Variants in AKAP13 observed in about 807,000 individuals in gnomAD.
AKAP13 encodes A-kinase anchoring protein 13.
A neutral mutation model predicts 264.5 loss-of-function variants in AKAP13; 80 were observed. The observed-to-expected ratio is 0.30, with a 90% CI of 0.25 to 0.36. AKAP13 has a LOEUF of 0.36. AKAP13 is among the 10% of genes least tolerant of loss of function. The probability of loss-of-function intolerance (pLI) is 1.00; values close to 1 mark genes in which losing one functional copy is unlikely to be tolerated. For missense variants in AKAP13, 3,712 were observed against 3,435.2 expected (o/e 1.08, Z -2.01); for synonymous variants, 1,380 against 1,250.2 (o/e 1.10, Z -2.19).
intron 1 of AKAP13, among the ~76,000 whole-genome samples, chr15:85,414,683 C>G (rs1409064461): frequency 6.6e-6 from 1 of 152,174 alleles, no homozygotes; most frequent in Admixed American, 6.5e-5. Flanking sequence ...AGTGCCTTCT[C>G]CTGGTGTGGA....
At chr15:85,670,343 G>T (rs933112519) in intron 14 of AKAP13, among the ~76,000 whole-genome samples, 2 of 151,552 alleles carry the variant, frequency 1.3e-5, no homozygotes, top group Non-Finnish European at 2.9e-5. Flanking sequence ...TAAAAACAAA[G>T]ATATTGTCTT....
intron 1 of AKAP13, among the ~76,000 whole-genome samples, chr15:85,383,021 A>G (rs1487356967): frequency 4.6e-5 from 7 of 152,044 alleles, no homozygotes; most frequent in African/African-American, 1.7e-4. Context: ...TTTCAACAAG[A>G]GGTTCCAATT....
chr15:85,653,532 G>A (rs939511914), intron 10 of AKAP13, among the ~76,000 whole-genome samples: 1 of 152,212 alleles, frequency 6.6e-6, no homozygotes, highest in Non-Finnish European at 1.5e-5. Context: ...AAGGTAGGAA[G>A]GGTGCTTTTA....
intron 5 of AKAP13, among the ~76,000 whole-genome samples, chr15:85,555,714 G>A (rs1000145374): frequency 1.3e-5 from 2 of 152,162 alleles, no homozygotes; most frequent in Admixed American, 6.5e-5. Context: ...GCGCATGCTA[G>A]GCAAGGTAAG....
chr15:85,606,758 A>G (rs2080367946), intron 8 of AKAP13, among the ~76,000 whole-genome samples: 1 of 152,236 alleles, frequency 6.6e-6, no homozygotes, highest in African/African-American at 2.4e-5. Flanking sequence ...AGCCAGGTGT[A>G]AAATAATCTG....
At chr15:85,415,168 C>T in intron 1 of AKAP13, 1 of 965,930 alleles carries the variant, frequency 1.0e-6, no homozygotes, top group Non-Finnish European at 1.6e-6. Flanking sequence ...TGAGATGTGA[C>T]AGCACGCTGC....
At chr15:85,419,112 A>G (rs59237656) in intron 1 of AKAP13, among the ~76,000 whole-genome samples, 140 of 152,334 alleles carry the variant, frequency 9.2e-4, no homozygotes, top group Admixed American at 3.1e-3. Flanking sequence ...GAGTCTTTGT[A>G]TATTTTTGAA....
At chr15:85,657,558 C>A (rs1173482642) in intron 11 of AKAP13, among the ~76,000 whole-genome samples, 2 of 152,090 alleles carry the variant, frequency 1.3e-5, no homozygotes, top group African/African-American at 4.8e-5. Context: ...TAGTCAAATG[C>A]CGTTTCTATA....
In AKAP13 at chr15:85,682,318, C is replaced by A. The variant is rs929935260; in HGVS notation, c.5156+106C>A. 8.0e-6 allele frequency: 9 copies of A among 1,129,862 alleles called. No homozygotes were observed. The African/African-American group carries it at 1.3e-4, about 16-fold the overall frequency. 70.0% of individuals were successfully genotyped at this position (1,129,862 alleles called of 1,614,324 possible). ...CTAAGTTAATTGAGCTTATTGGGTT[C>A]TTCTTTGAGTGATAAACTTGGAATA... On this transcript the variant is annotated intron_variant, in intron 15 of 36. Transcript: ENST00000394518.
At chr15:85,740,379 A>G in intron 34 of AKAP13, 107 bp downstream of exon 34, 1 of 1,303,338 alleles carries the variant, frequency 7.7e-7, no homozygotes, top group Non-Finnish European at 1.1e-6. Context: ...TAATGGATAA[A>G]TGGGGCCCTC....
At chr15:85,742,582 C>T (rs770799431) in intron 35 of AKAP13, among the ~76,000 whole-genome samples, 6 of 152,224 alleles carry the variant, frequency 3.9e-5, no homozygotes, top group Non-Finnish European at 8.8e-5. Flanking sequence ...TGATTTGCCT[C>T]TCTACTGCTG....
intron 4 of AKAP13, among the ~76,000 whole-genome samples, chr15:85,541,010 A>T (rs1363853738): frequency 1.3e-5 from 2 of 152,240 alleles, no homozygotes; most frequent in Non-Finnish European, 2.9e-5. Flanking sequence ...AAAATTCAGA[A>T]CAATGGTTAA....
At chr15:85,433,666 C>G (rs1203400364) in intron 1 of AKAP13, among the ~76,000 whole-genome samples, 1 of 151,962 alleles carries the variant, frequency 6.6e-6, no homozygotes, top group Non-Finnish European at 1.5e-5. Context: ...TCATTAAAAC[C>G]AGGTTGTCAG....
intron 1 of AKAP13, among the ~76,000 whole-genome samples, chr15:85,478,475 A>G (rs1403157744): frequency 6.6e-6 from 1 of 152,102 alleles, no homozygotes; most frequent in East Asian, 1.9e-4. Context: ...TTCCATGATA[A>G]TTACATTGAT....
chr15:85,691,247 C>A (rs1397359214), intron 16 of AKAP13, among the ~76,000 whole-genome samples: 1 of 152,122 alleles, frequency 6.6e-6, no homozygotes, highest in South Asian at 2.1e-4. Context: ...AATGGTAGGT[C>A]TTTGTAGTCC....
In AKAP13 at chr15:85,615,921, T is replaced by G. The variant is rs543929478; in HGVS notation, c.4162-23453T>G. ...GAAATCTTGGTCCAGAGGGTCAAAC[T>G]AGTATCTCCCAAGTTGCTCAGTGAG... On this transcript the variant is annotated intron_variant, in intron 8 of 36. Coordinates refer to ENST00000394518, the MANE Select transcript of AKAP13 (RefSeq NM_007200.5). Among the ~76,000 whole-genome samples the G allele has an allele frequency of 2.0e-5, 3 of 152,306 alleles. No homozygotes were observed. In the East Asian group the frequency reaches 5.8e-4, roughly 29 times the overall value.
chr15:85,620,224 G>T lies in AKAP13; in HGVS notation c.4162-19150G>T, dbSNP rs1021405621. 15 of 1,512,402 alleles carry T rather than the reference G, an allele frequency of 9.9e-6. No homozygotes were observed. In the Admixed American group the frequency reaches 2.2e-4, roughly 22 times the overall value. The allele number at this position is 1,512,402 out of a possible 1,614,324, so 93.7% of individuals were successfully genotyped here. A position where few individuals can be genotyped will look rare whatever the true frequency, so the allele number is the denominator to read the frequency against. On this transcript the variant is annotated intron_variant, in intron 8 of 36. Coordinates refer to ENST00000394518, the MANE Select transcript of AKAP13 (RefSeq NM_007200.5). ...CTGAAGCTCTGCAGGCTGTTTTAGC[G>T]CTTTGAACCCGGTAGCCATGTCCCT...
Position 85,415,197 on chromosome 15 carries a change from G to T in AKAP13, c.-12+34399G>T, listed in dbSNP as rs1596094324. ...ACGCTGCCACGCCGACGCAGACCCC[G>T]CTCTGCACGCCAGCTCGCCCGCACC... On this transcript the variant is annotated intron_variant, in intron 1 of 36. Coordinates refer to ENST00000394518, the MANE Select transcript of AKAP13 (RefSeq NM_007200.5). 2.3e-5 allele frequency: 32 copies of T among 1,413,432 alleles called. No homozygotes were observed. In the East Asian group the frequency reaches 7.3e-4, roughly 32 times the overall value. The allele number at this position is 1,413,432 out of a possible 1,614,324, so 87.6% of individuals were successfully genotyped here. A position where few individuals can be genotyped will look rare whatever the true frequency, so the allele number is the denominator to read the frequency against.
At chr15:85,660,321 C>G (rs1302719614) in intron 12 of AKAP13, among the ~76,000 whole-genome samples, 1 of 139,560 alleles carries the variant, frequency 7.2e-6, no homozygotes, top group African/African-American at 2.7e-5. Context: ...CCACTGCACT[C>G]CAGCCTGGGT....
Sources: allele counts gnomAD v4.1 joint callset (sites outside exome capture counted in the v4.1 genomes callset), GRCh38; gene constraint gnomAD v4.1.1; transcripts MANE v1.5; gene names NCBI Gene and HGNC (gene_info 2026-07-23, HGNC 2026-07-21).